BACE2: variants seen among roughly 807,000 people sequenced by gnomAD.
BACE2 encodes beta-secretase 2, also known as 56 kDa aspartic-like protease.
Under a neutral mutation model 46.2 loss-of-function variants are expected in BACE2, and 17 were observed. The observed-to-expected ratio is 0.37, with a 90% CI of 0.25 to 0.55. The LOEUF (loss-of-function observed/expected upper bound fraction) is 0.55. Among genes scored for constraint, BACE2 ranks in the 20% least tolerant of loss-of-function variants. The pLI, the probability that BACE2 is intolerant of heterozygous loss-of-function variation, is 0.82. For missense variants in BACE2, 595 were observed against 698.1 expected (o/e 0.85, Z 1.66); for synonymous variants, 277 against 295.9 (o/e 0.94, Z 0.66).
At chr21:41,171,506 G>A (rs1353780304) in intron 1 of BACE2, among the ~76,000 whole-genome samples, 6 of 152,260 alleles carry the variant, frequency 3.9e-5, no homozygotes, top group African/African-American at 1.4e-4. Context: ...GCAGGGCCAC[G>A]TTGGCATGGA....
chr21:41,238,147 G>C (rs182474008), intron 3 of BACE2, among the ~76,000 whole-genome samples: 289 of 152,276 alleles, frequency 1.9e-3, no homozygotes, highest in Non-Finnish European at 3.2e-3. Context: ...CCCTCCGCCA[G>C]GCTGGGACGT....
intron 2 of BACE2, among the ~76,000 whole-genome samples, chr21:41,230,444 T>C (rs1328980152): frequency 3.9e-5 from 6 of 152,272 alleles, no homozygotes; most frequent in African/African-American, 1.4e-4. Flanking sequence ...GCCTAAGTTA[T>C]ACTTTCAACC....
rs2123477312 is a variant in BACE2, at chr21:41,168,185, G to C, written c.-79G>C. The C allele has an allele frequency of 1.1e-6, 1 of 874,218 alleles. No individual in the cohort carries two copies. Among genetic ancestry groups the C allele is most frequent in the Non-Finnish European group, 1.4e-6 (1 of 713,972 alleles). 54.2% of individuals were successfully genotyped at this position (874,218 alleles called of 1,614,324 possible). On this transcript the variant is annotated 5_prime_UTR_variant, in exon 1 of 9. Transcript: ENST00000330333. ...ATCCCTGCCCGCAGCCCCGCGCGCC[G>C]GCCGAGTCGCTGAGCCGCGGCTGCC...
chr21:41,260,318 T>C (rs1408632779), intron 8 of BACE2, among the ~76,000 whole-genome samples: 3 of 151,922 alleles, frequency 2.0e-5, no homozygotes, highest in Admixed American at 6.6e-5. Flanking sequence ...AAATTTTTGG[T>C]ATTTTGTGTA....
chr21:41,179,942 G>T (rs973308318), intron 1 of BACE2: 16 of 362,532 alleles, frequency 4.4e-5, no homozygotes, highest in Non-Finnish European at 9.0e-5. Flanking sequence ...TCTTAGCTTT[G>T]CCCAGGAAGG....
chr21:41,248,426 G>T (rs75303510), intron 6 of BACE2, among the ~76,000 whole-genome samples: 1 of 152,112 alleles, frequency 6.6e-6, no homozygotes, highest in African/African-American at 2.4e-5. Context: ...TCCACCTGCC[G>T]TTGGAGCTGG....
chr21:41,268,104 T>TA (rs1349247146), intron 8 of BACE2, among the ~76,000 whole-genome samples: 3 of 152,230 alleles, frequency 2.0e-5, no homozygotes, highest in East Asian at 1.9e-4. Context: ...AGCGGACACT[T>TA]ACGTAGCACC....
chr21:41,280,073 C>A lies in BACE2; in HGVS notation c.*4449C>A, dbSNP rs571741973. The A allele has an allele frequency of 3.3e-5, 5 of 152,328 alleles. 1 individual carries two copies. Among genetic ancestry groups the A allele is most frequent in the African/African-American group, 1.2e-4 (5 of 41,542 alleles). 9.4% of individuals were successfully genotyped at this position (152,328 alleles called of 1,614,324 possible). A position where few individuals can be genotyped will look rare whatever the true frequency, so the allele number is the denominator to read the frequency against. ...TTATTTGCCAGAGGAACAATTAGGCCAAGAGAAACTTGCTTGACAGCCATG... is the reference window on the plus strand; with the variant it reads ...TTATTTGCCAGAGGAACAATTAGGCAAAGAGAAACTTGCTTGACAGCCATG... On this transcript the variant is annotated 3_prime_UTR_variant, in exon 9 of 9. Coordinates refer to ENST00000330333, the MANE Select transcript of BACE2 (RefSeq NM_012105.5).
At chr21:41,168,716 T>C in intron 1 of BACE2, 141 bp downstream of exon 1, 2 of 331,116 alleles carry the variant, frequency 6.0e-6, no homozygotes, top group South Asian at 1.4e-4. Flanking sequence ...GCAGAGGGGC[T>C]CGGGTGGGCC....
At chr21:41,217,647 C>G (rs1402916068) in intron 1 of BACE2, among the ~76,000 whole-genome samples, 1 of 152,194 alleles carries the variant, frequency 6.6e-6, no homozygotes. Context: ...ACTTTGGAGC[C>G]CCCTCCCAGT....
chr21:41,250,870 G>C lies in BACE2; in HGVS notation c.1103G>C (p.Ser368Thr), dbSNP rs986952191. 6.2e-7 allele frequency: 1 copy of C among 1,614,146 alleles called. No homozygotes were observed. The highest frequency in any genetic ancestry group is 1.3e-5 in the African/African-American group (1 of 75,042). ...ATCTACCTGAGAGACGAGAACTCCA[G>C]CAGGTCATTCCGTATCACAATCCTG... Reference protein sequence around the residue: ...ISIYLRDENSSRSFRITILPQ... With the variant: ...ISIYLRDENSTRSFRITILPQ... The change falls in exon 7 of 9, where the codon AGC becomes ACC. Residue 368 changes from serine (S) to threonine (T), a missense_variant. This residue lies in a region of BACE2 where 343 missense variants were observed against 419.4 expected (regional missense o/e 0.82). Coordinates refer to ENST00000330333, the MANE Select transcript of BACE2 (RefSeq NM_012105.5).
intron 3 of BACE2, among the ~76,000 whole-genome samples, chr21:41,239,881 A>G (rs1045447406): frequency 1.3e-5 from 2 of 152,266 alleles, no homozygotes; most frequent in African/African-American, 4.8e-5. Flanking sequence ...GTGACTGGAA[A>G]TGAAAGATGT....
rs200871077 is a variant in BACE2 at position 41,275,646 on chromosome 21, C to G, written c.*22C>G. ...ATGAATAGCCAGGCCTGACCTCAAG[C>G]AACCATGAACTCAGCTATTAAGAAA... On this transcript the variant is annotated 3_prime_UTR_variant, in exon 9 of 9. Transcript: ENST00000330333. 5.5e-4 allele frequency: 881 copies of G among 1,608,964 alleles called. 1 individual carries two copies. The highest frequency in any genetic ancestry group is 4.3e-3 in the Middle Eastern group (26 of 6,026).
chr21:41,219,795 A>C (rs180766199), intron 1 of BACE2, among the ~76,000 whole-genome samples: 158 of 152,074 alleles, frequency 1.0e-3, no homozygotes, highest in Non-Finnish European at 1.7e-3. Context: ...CTCTGCTCTC[A>C]CACCACAACG....
At chr21:41,233,534 A>G (rs187248992) in intron 2 of BACE2, among the ~76,000 whole-genome samples, 1 of 152,374 alleles carries the variant, frequency 6.6e-6, no homozygotes, top group East Asian at 1.9e-4. Flanking sequence ...AGACATGCTA[A>G]ATAGATATGC....
At chr21:41,239,390 T>G (rs1308234468) in intron 3 of BACE2, among the ~76,000 whole-genome samples, 2 of 152,130 alleles carry the variant, frequency 1.3e-5, no homozygotes, top group African/African-American at 4.8e-5. Flanking sequence ...ACTTTTTTAT[T>G]TTTTTGAGAG....
intron 1 of BACE2, chr21:41,181,611 T>C (rs1985127434): frequency 6.0e-6 from 1 of 166,998 alleles, no homozygotes; most frequent in Non-Finnish European, 1.5e-5. Context: ...ATGCAAATGT[T>C]AGAGTTATGA....
In BACE2 at chr21:41,217,845, G is replaced by C. The variant is rs552282010; in HGVS notation, c.313-8421G>C. The stretch of plus-strand genomic sequence containing the variant: ...GTAAAGGCGGCGGCCAGCAGCAAGT[G>C]AGTGGGAGGCCTGGGGACACGCCTC... On this transcript the variant is annotated intron_variant, in intron 1 of 8. Coordinates refer to ENST00000330333, the MANE Select transcript of BACE2 (RefSeq NM_012105.5). Among the ~76,000 whole-genome samples, 5 of 152,346 alleles carry C rather than the reference G, an allele frequency of 3.3e-5. No homozygotes were observed. In the South Asian group the frequency reaches 1.0e-3, roughly 32 times the overall value.
At chr21:41,191,836 G>T (rs1985580313) in intron 1 of BACE2, among the ~76,000 whole-genome samples, 1 of 152,090 alleles carries the variant, frequency 6.6e-6, no homozygotes, top group African/African-American at 2.4e-5. Flanking sequence ...TTCTCCTCTG[G>T]TGAGGTCCCC....
Sources: allele counts gnomAD v4.1 joint callset (sites outside exome capture counted in the v4.1 genomes callset), GRCh38; gene constraint gnomAD v4.1.1; regional missense constraint gnomAD v4.1.1; transcripts MANE v1.5; gene names NCBI Gene and HGNC (gene_info 2026-07-23, HGNC 2026-07-21).